Variants in GRID1 observed in about 807,000 individuals in gnomAD.
GRID1 encodes glutamate receptor ionotropic, delta-1.
Under a neutral mutation model 98.0 loss-of-function variants are expected in GRID1, and 28 were observed. The ratio of observed to expected loss-of-function variants is 0.29; its 90% confidence interval spans 0.21 to 0.39. The LOEUF (loss-of-function observed/expected upper bound fraction) is 0.39, where lower values mean the gene tolerates loss of function less well. Ranked by LOEUF, GRID1 falls within the 10% of genes least tolerant of loss-of-function variation. The probability of loss-of-function intolerance (pLI) is 1.00; values close to 1 mark genes in which losing one functional copy is unlikely to be tolerated. For synonymous variants in GRID1, 553 were observed against 538.5 expected, an observed-to-expected ratio of 1.03 and a Z score of -0.37; for missense variants, 1,111 against 1,340.5, an observed-to-expected ratio of 0.83 and a Z score of 2.67.
At chr10:86,121,972 AC>A (rs1844683841) in intron 4 of GRID1, among the ~76,000 whole-genome samples, 1 of 151,938 alleles carries the variant, frequency 6.6e-6, no homozygotes, top group Admixed American at 6.6e-5. Context: ...TCCACTGGAT[AC>A]CCCCGGGCCC....
chr10:86,025,043 A>G (rs1470947676), intron 4 of GRID1, among the ~76,000 whole-genome samples: 4 of 152,190 alleles, frequency 2.6e-5, no homozygotes, highest in African/African-American at 4.8e-5. Flanking sequence ...AACTGCTTTA[A>G]ACAGGAATCA....
chr10:86,330,890 A>G (rs1308489186), intron 2 of GRID1, among the ~76,000 whole-genome samples: 1 of 152,204 alleles, frequency 6.6e-6, no homozygotes, highest in Admixed American at 6.5e-5. Context: ...ACCTTGCAGG[A>G]GCTTAGCCTC....
At chr10:85,879,855 C>T (rs938030410) in intron 5 of GRID1, among the ~76,000 whole-genome samples, 6 of 151,920 alleles carry the variant, frequency 3.9e-5, no homozygotes, top group African/African-American at 1.5e-4. Context: ...AAAGGATCAA[C>T]AAAATTGATA....
intron 8 of GRID1, among the ~76,000 whole-genome samples, chr10:85,840,264 G>T (rs1375675991): frequency 6.6e-6 from 1 of 152,074 alleles, no homozygotes; most frequent in East Asian, 1.9e-4. Context: ...TATGAGGCCA[G>T]CATCATCTTG....
chr10:85,657,822 C>A (rs1471159569), intron 12 of GRID1, among the ~76,000 whole-genome samples: 1 of 152,174 alleles, frequency 6.6e-6, no homozygotes, highest in East Asian at 1.9e-4. Flanking sequence ...CAGTGGAAAT[C>A]AGCATCCACC....
intron 6 of GRID1, among the ~76,000 whole-genome samples, chr10:85,866,543 A>T (rs956394419): frequency 6.6e-6 from 1 of 152,040 alleles, no homozygotes; most frequent in African/African-American, 2.4e-5. Flanking sequence ...CCCAATGGGC[A>T]CTTTTTTTAG....
chr10:85,806,748 G>A (rs1188737264), intron 8 of GRID1, among the ~76,000 whole-genome samples: 1 of 152,132 alleles, frequency 6.6e-6, no homozygotes, highest in African/African-American at 2.4e-5. Flanking sequence ...AATATTTATA[G>A]TGACAGAAAT....
chr10:86,258,564 G>C (rs1441047670), intron 2 of GRID1, among the ~76,000 whole-genome samples: 1 of 152,124 alleles, frequency 6.6e-6, no homozygotes, highest in East Asian at 1.9e-4. Context: ...AGGCTTGAGG[G>C]AGAAGCCCCC....
chr10:86,109,994 G>A (rs112746990), intron 4 of GRID1, among the ~76,000 whole-genome samples: 45 of 149,918 alleles, frequency 3.0e-4, no homozygotes, highest in African/African-American at 9.6e-4. Flanking sequence ...TTTTTTTGAG[G>A]GGGAGTCTCA....
chr10:85,691,500 T>A (rs957585884), intron 12 of GRID1, among the ~76,000 whole-genome samples: 9 of 152,248 alleles, frequency 5.9e-5, no homozygotes, highest in South Asian at 4.2e-4. Flanking sequence ...ACTGAGATAA[T>A]TTGTGATTAG....
intron 4 of GRID1, among the ~76,000 whole-genome samples, chr10:86,059,490 A>G (rs530493746): frequency 6.6e-6 from 1 of 152,364 alleles, no homozygotes; most frequent in African/African-American, 2.4e-5. Context: ...CTCTGTGACC[A>G]AGCAAAAGGC....
chr10:85,747,552 T>C (rs1407804853), intron 8 of GRID1, among the ~76,000 whole-genome samples: 1 of 152,110 alleles, frequency 6.6e-6, no homozygotes, highest in Non-Finnish European at 1.5e-5. Context: ...CTTAGCCCCA[T>C]ACTATAGAGG....
At chr10:86,183,094 GCTT>G (rs1259934854) in intron 3 of GRID1, among the ~76,000 whole-genome samples, 5 of 152,222 alleles carry the variant, frequency 3.3e-5, no homozygotes, top group African/African-American at 1.2e-4. Flanking sequence ...ATTTTCTTGT[GCTT>G]CTTTGCGGTC....
chr10:85,824,743 T>C (rs1842803950), intron 8 of GRID1, among the ~76,000 whole-genome samples: 1 of 152,128 alleles, frequency 6.6e-6, no homozygotes, highest in South Asian at 2.1e-4. Context: ...ATTATACCTC[T>C]CTGTATGCCT....
intron 2 of GRID1, among the ~76,000 whole-genome samples, chr10:86,271,507 A>C (rs971131658): frequency 3.9e-5 from 6 of 152,244 alleles, no homozygotes; most frequent in African/African-American, 1.4e-4. Flanking sequence ...GAAGACAAAG[A>C]TATTAAAACA....
intron 2 of GRID1, among the ~76,000 whole-genome samples, chr10:86,354,279 C>T (rs775052914): frequency 6.6e-6 from 1 of 152,238 alleles, no homozygotes; most frequent in Non-Finnish European, 1.5e-5. Flanking sequence ...TGTCTCAGCC[C>T]GGACCTGGGG....
intron 2 of GRID1, among the ~76,000 whole-genome samples, chr10:86,305,120 A>AT (rs1847741643): frequency 6.6e-6 from 1 of 152,048 alleles, no homozygotes; most frequent in Non-Finnish European, 1.5e-5. Flanking sequence ...AAAAAAAAAA[A>AT]AAACTGATGT....
chr10:86,186,463 G>C (rs1845726662), intron 3 of GRID1, among the ~76,000 whole-genome samples: 1 of 152,022 alleles, frequency 6.6e-6, no homozygotes, highest in Non-Finnish European at 1.5e-5. Context: ...TATTGGATTT[G>C]ATTTGCTCTT....
At chr10:85,690,002 G>C (rs923270628) in intron 12 of GRID1, among the ~76,000 whole-genome samples, 10 of 152,082 alleles carry the variant, frequency 6.6e-5, no homozygotes, top group Admixed American at 2.0e-4. Flanking sequence ...ATGCAGAAAA[G>C]CTGTATGTAA....
Sources: allele counts gnomAD v4.1 joint callset (sites outside exome capture counted in the v4.1 genomes callset), GRCh38; gene constraint gnomAD v4.1.1; transcripts MANE v1.5; gene names NCBI Gene and HGNC (gene_info 2026-07-23, HGNC 2026-07-21).